SLC9A9: variants seen among roughly 807,000 people sequenced by gnomAD.
SLC9A9 encodes the protein solute carrier family 9 member A9.
A neutral mutation model predicts 77.8 loss-of-function variants in SLC9A9; 62 were observed. The ratio of observed to expected loss-of-function variants is 0.80; its 90% confidence interval spans 0.65 to 0.98. The LOEUF (loss-of-function observed/expected upper bound fraction) is 0.98, where lower values mean the gene tolerates loss of function less well. SLC9A9 is among the 50% of genes least tolerant of loss of function. The pLI is 0.00. For missense variants in SLC9A9, 775 were observed against 774.9 expected (o/e 1.00, Z 0.00); for synonymous variants, 320 against 283.5 (o/e 1.13, Z -1.29).
chr3:143,814,260 G>A (rs926060899), intron 2 of SLC9A9, among the ~76,000 whole-genome samples: 21 of 152,142 alleles, frequency 1.4e-4, no homozygotes, highest in African/African-American at 3.4e-4. Flanking sequence ...GTGCCTGTAC[G>A]TCACTCAGAA....
At position 143,741,750 on chromosome 3, in the gene SLC9A9, G is replaced by A. The variant is rs115557255; in HGVS notation, c.534-48443C>T. Among the ~76,000 whole-genome samples the A allele has an allele frequency of 5.3e-3, 810 of 152,098 alleles. 8 individuals are homozygous for A. Among genetic ancestry groups the A allele is most frequent in the African/African-American group, 0.018 (738 of 41,516 alleles). ...TGTGATGAAAATGGCACTTTACGTCGGTGATCTTCCCCCTAACCCATTGAA... is the reference window on the plus strand; with the variant it reads ...TGTGATGAAAATGGCACTTTACGTCAGTGATCTTCCCCCTAACCCATTGAA... On this transcript the variant is annotated intron_variant, in intron 4 of 15. Transcript: ENST00000316549.
chr3:143,645,982 T>C (rs2038700635), intron 6 of SLC9A9, among the ~76,000 whole-genome samples: 1 of 152,108 alleles, frequency 6.6e-6, no homozygotes, highest in Admixed American at 6.6e-5. Flanking sequence ...AGTATTTCTG[T>C]TTTGCAGATA....
intron 12 of SLC9A9, among the ~76,000 whole-genome samples, chr3:143,445,516 C>T (rs1244696750): frequency 2.0e-5 from 3 of 152,164 alleles, no homozygotes; most frequent in African/African-American, 4.8e-5. Context: ...TAGCATGCTA[C>T]GGATGGGACT....
chr3:143,351,556 G>C (rs181814377), intron 14 of SLC9A9, among the ~76,000 whole-genome samples: 3,816 of 152,072 alleles, frequency 0.025, 177 homozygotes, highest in African/African-American at 0.086. Flanking sequence ...AGTTGATGGT[G>C]GGGGGGAGTA....
chr3:143,269,230 G>A (rs1313474274), intron 14 of SLC9A9, among the ~76,000 whole-genome samples: 2 of 152,156 alleles, frequency 1.3e-5, no homozygotes, highest in Non-Finnish European at 2.9e-5. Context: ...GTGTAAATGT[G>A]CTCTTCCCAT....
chr3:143,640,356 T>C (rs972051615), intron 6 of SLC9A9, among the ~76,000 whole-genome samples: 15 of 152,164 alleles, frequency 9.9e-5, no homozygotes, highest in African/African-American at 2.9e-4. Context: ...AGCACCTTGG[T>C]TCCACTTCTG....
chr3:143,746,966 G>A (rs1324491858), intron 4 of SLC9A9, among the ~76,000 whole-genome samples: 2 of 151,912 alleles, frequency 1.3e-5, no homozygotes, highest in South Asian at 2.1e-4. Flanking sequence ...CTTCAAACGC[G>A]ACATATTTTT....
intron 6 of SLC9A9, among the ~76,000 whole-genome samples, chr3:143,614,858 G>C (rs145213926): frequency 1.3e-5 from 2 of 152,326 alleles, no homozygotes; most frequent in East Asian, 3.9e-4. Context: ...TTAAGAAAAG[G>C]TTATGAAAGC....
At chr3:143,486,072 C>A (rs1204832414) in intron 11 of SLC9A9, among the ~76,000 whole-genome samples, 3 of 152,026 alleles carry the variant, frequency 2.0e-5, no homozygotes, top group Non-Finnish European at 2.9e-5. Context: ...ACAAGATTAT[C>A]AGCAGATTTC....
At chr3:143,297,871 T>G (rs1242900325) in intron 14 of SLC9A9, among the ~76,000 whole-genome samples, 2 of 152,170 alleles carry the variant, frequency 1.3e-5, no homozygotes, top group African/African-American at 4.8e-5. Context: ...TCAGCCATGA[T>G]TGTGATGTAT....
chr3:143,698,770 T>C (rs1933712636), intron 4 of SLC9A9, among the ~76,000 whole-genome samples: 1 of 152,236 alleles, frequency 6.6e-6, no homozygotes, highest in South Asian at 2.1e-4. Context: ...TTTTGAATTG[T>C]TAGGGATAAG....
chr3:143,599,815 A>C (rs1445578171), intron 6 of SLC9A9, among the ~76,000 whole-genome samples: 2 of 152,208 alleles, frequency 1.3e-5, no homozygotes, highest in African/African-American at 4.8e-5. Flanking sequence ...GTCTCAGAAT[A>C]TTTCATCTGT....
chr3:143,847,933 A>T (rs2009863517), intron 1 of SLC9A9: 2 of 602,864 alleles, frequency 3.3e-6, no homozygotes, highest in Non-Finnish European at 5.9e-6. Context: ...GCCGTGTGAG[A>T]ACATGACTGT....
intron 9 of SLC9A9, among the ~76,000 whole-genome samples, chr3:143,509,914 T>C (rs1366456835): frequency 1.3e-5 from 2 of 152,230 alleles, no homozygotes; most frequent in Non-Finnish European, 2.9e-5. Flanking sequence ...ACACACTAAA[T>C]GCTGACGCTT....
chr3:143,450,051 A>C (rs62637148), intron 12 of SLC9A9, among the ~76,000 whole-genome samples: 48,190 of 105,440 alleles, frequency 0.46, 11,128 homozygotes, highest in African/African-American at 0.55. Context: ...GTATATATAC[A>C]CACATATATA....
intron 9 of SLC9A9, among the ~76,000 whole-genome samples, chr3:143,532,443 T>G (rs1559956125): frequency 1.3e-5 from 2 of 152,204 alleles, no homozygotes; most frequent in Non-Finnish European, 2.9e-5. Context: ...CCAATTATAG[T>G]ATAATCACTT....
intron 14 of SLC9A9, among the ~76,000 whole-genome samples, chr3:143,325,191 C>T (rs1212654043): frequency 6.6e-6 from 1 of 152,048 alleles, no homozygotes; most frequent in African/African-American, 2.4e-5. Context: ...GCTGTGTCAC[C>T]ATGTCACTTA....
chr3:143,662,868 G>C (rs1196860823), intron 5 of SLC9A9, among the ~76,000 whole-genome samples: 1 of 152,124 alleles, frequency 6.6e-6, no homozygotes, highest in Non-Finnish European at 1.5e-5. Context: ...CTCCACCTCT[G>C]GGGGCAGGGC....
At chr3:143,317,915 G>A (rs1490013333) in intron 14 of SLC9A9, among the ~76,000 whole-genome samples, 1 of 152,150 alleles carries the variant, frequency 6.6e-6, no homozygotes, top group Non-Finnish European at 1.5e-5. Context: ...TTTTAGTAGA[G>A]ACGGGGTTTC....
Sources: allele counts gnomAD v4.1 joint callset (sites outside exome capture counted in the v4.1 genomes callset), GRCh38; gene constraint gnomAD v4.1.1; transcripts MANE v1.5; gene names NCBI Gene and HGNC (gene_info 2026-07-23, HGNC 2026-07-21).